Variants in AGXT2 observed in about 807,000 individuals in gnomAD.
The protein encoded by AGXT2 is alanine--glyoxylate aminotransferase 2, mitochondrial.
Under a neutral mutation model 62.5 loss-of-function variants are expected in AGXT2, and 61 were observed. The observed-to-expected ratio is 0.98, with a 90% confidence interval of 0.79 to 1.21. The LOEUF (loss-of-function observed/expected upper bound fraction) is 1.21. Ranked by LOEUF, AGXT2 falls within the 50% of genes most tolerant of loss-of-function variation. The pLI is 0.00. For synonymous variants in AGXT2, 243 were observed against 218.7 expected, an observed-to-expected ratio of 1.11 and a Z score of -0.98; for missense variants, 666 against 641.5, an observed-to-expected ratio of 1.04 and a Z score of -0.41.
Position 35,033,536 on chromosome 5 carries a change from C to T in AGXT2, c.599G>A (p.Cys200Tyr). 6.2e-7 allele frequency: 1 copy of T among 1,613,758 alleles called. No homozygotes were observed. The highest frequency in any genetic ancestry group is 1.3e-5 in the African/African-American group (1 of 75,042). ...IISFRGAYHG[C>Y]SPYTLGLTNV... ...TGTCAAGCCAAGTGTGTAAGGACTG[C>T]ATCCATGGTAGGCTCCTCTGCAGAG... Residue 200 changes from cysteine to tyrosine, a missense_variant, in exon 6 of 14, where the codon TGC becomes TAC. By Grantham distance (194) the Cys-to-Tyr change is radical (BLOSUM62 -2). Coordinates refer to ENST00000231420, the MANE Select transcript of AGXT2 (RefSeq NM_031900.4).
intron 3 of AGXT2, among the ~76,000 whole-genome samples, chr5:35,037,950 A>T (rs1287163710): frequency 6.6e-6 from 1 of 151,138 alleles, no homozygotes; most frequent in Non-Finnish European, 1.5e-5. Context: ...AAGGACATTA[A>T]TTGCTACAGT....
intron 3 of AGXT2, among the ~76,000 whole-genome samples, chr5:35,038,847 A>G (rs1767877159): frequency 6.6e-6 from 1 of 152,224 alleles, no homozygotes; most frequent in African/African-American, 2.4e-5. Flanking sequence ...TTCCAGGTAA[A>G]TTTCCAGCTA....
chr5:35,002,204 G>C (rs1766252069), intron 13 of AGXT2, among the ~76,000 whole-genome samples: 1 of 101,560 alleles, frequency 9.8e-6, no homozygotes, highest in Non-Finnish European at 2.5e-5. Flanking sequence ...TTATGACCTG[G>C]ACTAGAAAAA....
chr5:35,032,601 G>T, intron 7 of AGXT2, 131 bp downstream of exon 7: 1 of 847,440 alleles, frequency 1.2e-6, no homozygotes, highest in Non-Finnish European at 2.0e-6. Flanking sequence ...TTACTTTCCA[G>T]TTTTGCTTCC....
Position 35,047,840 on chromosome 5 carries a change from G to T in AGXT2, c.53C>A (p.Ala18Asp). The part of the protein sequence containing the change: ...LLRPLCLVTS[A>D]PRILEMHPFL... ...AGGATGCATCTCAAGGATCCTGGGA[G>T]CGGAAGTGACCAGGCACAAGGGTCT... is the stretch of plus-strand genomic sequence containing the variant. Residue 18 changes from alanine to aspartate, a missense_variant, in exon 1 of 14, where the codon GCT (alanine) becomes GAT (aspartate). Physicochemically the swap from Ala to Asp is moderately radical, Grantham distance 126 (BLOSUM62 -2). Transcript: ENST00000231420. 1 of 1,614,098 alleles carries T rather than the reference G, an allele frequency of 6.2e-7. No individual in the cohort carries two copies. The highest frequency in any genetic ancestry group is 1.1e-5 in the South Asian group (1 of 91,078).
chr5:35,029,634 C>T (rs969496185), intron 7 of AGXT2, among the ~76,000 whole-genome samples: 2 of 152,126 alleles, frequency 1.3e-5, no homozygotes, highest in African/African-American at 2.4e-5. Context: ...GCTAGTGGTA[C>T]AGAAAGAGTT....
At chr5:35,010,268 A>C in intron 11 of AGXT2, 119 bp from the exon 12 acceptor site, 1 of 1,275,886 alleles carries the variant, frequency 7.8e-7, no homozygotes, top group African/African-American at 1.5e-5. Context: ...ATGCAGAACA[A>C]GTCTAGTGTG....
At chr5:35,011,564 CTATT>C (rs989882894) in intron 11 of AGXT2, among the ~76,000 whole-genome samples, 5 of 151,158 alleles carry the variant, frequency 3.3e-5, no homozygotes, top group African/African-American at 9.7e-5. Flanking sequence ...TTGAAAATAA[CTATT>C]TAATTAATAA....
intron 6 of AGXT2, chr5:35,033,133 T>G (rs1767633750): frequency 2.0e-6 from 1 of 490,458 alleles, no homozygotes; most frequent in African/African-American, 1.9e-5. Flanking sequence ...GCTGAAAATG[T>G]GGGTACAGTA....
chr5:35,026,383 A>G, intron 8 of AGXT2, 27 bp downstream of exon 8: 3 of 1,571,058 alleles, frequency 1.9e-6, no homozygotes, highest in South Asian at 1.1e-5. Flanking sequence ...ATTCAGCTCC[A>G]TTAATGTCTA....
At chr5:35,037,773 G>A (rs1361588032) in intron 3 of AGXT2, among the ~76,000 whole-genome samples, 7 of 152,182 alleles carry the variant, frequency 4.6e-5, no homozygotes, top group Non-Finnish European at 1.0e-4. Context: ...ACAGTGGTTA[G>A]TGTGGATGAA....
At chr5:35,041,220 C>A (rs6869188) in intron 1 of AGXT2, among the ~76,000 whole-genome samples, 4,614 of 11,306 alleles carry the variant, frequency 0.41, 399 homozygotes, top group African/African-American at 0.54. Context: ...AACCTCCCCC[C>A]GCCAAAAAAA....
chr5:35,036,880 G>A, intron 4 of AGXT2, 62 bp downstream of exon 4: 1 of 1,608,252 alleles, frequency 6.2e-7, no homozygotes, highest in Admixed American at 1.7e-5. Context: ...TCTTTGAGCT[G>A]GGAGCATCAT....
chr5:35,035,446 C>A lies in AGXT2; in HGVS notation c.487-130G>T, dbSNP rs1767726298. On this transcript the variant is annotated intron_variant, in intron 4 of 13. Transcript: ENST00000231420. Reference sequence around the variant, plus strand: ...GTTCCCTTCAGACCAGCTCGGGTTACCCAGCAGTTCCATCATTTAACCACA... The same window carrying A: ...GTTCCCTTCAGACCAGCTCGGGTTAACCAGCAGTTCCATCATTTAACCACA... 4 of 746,344 alleles carry A rather than the reference C, an allele frequency of 5.4e-6. No homozygotes were observed. In the South Asian group the frequency reaches 5.8e-5, roughly 11 times the overall value. The allele number at this position is 746,344 out of a possible 1,614,324, so 46.2% of individuals were successfully genotyped here.
intron 12 of AGXT2, among the ~76,000 whole-genome samples, chr5:35,006,297 G>A (rs1051200928): frequency 6.6e-6 from 1 of 152,180 alleles, no homozygotes; most frequent in Admixed American, 6.5e-5. Flanking sequence ...GAAATTGCCA[G>A]GTATGTTAGG....
At chr5:34,999,828 A>G (rs1360215643) in intron 13 of AGXT2, among the ~76,000 whole-genome samples, 1 of 152,146 alleles carries the variant, frequency 6.6e-6, no homozygotes, top group East Asian at 1.9e-4. Context: ...AACAAGGTGT[A>G]TTTGCTGTTC....
chr5:35,019,495 A>C (rs1277731816), intron 9 of AGXT2, among the ~76,000 whole-genome samples: 6 of 152,054 alleles, frequency 3.9e-5, no homozygotes, highest in Non-Finnish European at 8.8e-5. Flanking sequence ...AACGAAATGA[A>C]GGCAGAAATA....
chr5:35,038,786 G>T (rs1334906834), intron 3 of AGXT2, among the ~76,000 whole-genome samples: 4 of 152,178 alleles, frequency 2.6e-5, no homozygotes. Flanking sequence ...CTGTGTGGGC[G>T]AGTATACCGT....
chr5:35,039,248 A>C (rs1439250172), intron 3 of AGXT2, 76 bp downstream of exon 3: 1 of 1,489,302 alleles, frequency 6.7e-7, no homozygotes, highest in Admixed American at 1.7e-5. Flanking sequence ...GCAAATCAAG[A>C]GTTCAGAGTC....
Sources: allele counts gnomAD v4.1 joint callset (sites outside exome capture counted in the v4.1 genomes callset), GRCh38; gene constraint gnomAD v4.1.1; transcripts MANE v1.5; gene names NCBI Gene and HGNC (gene_info 2026-07-23, HGNC 2026-07-21).